Variants in DISC1 observed in about 807,000 individuals in gnomAD.
DISC1 encodes disrupted in schizophrenia 1 protein.
A neutral mutation model predicts 84.5 loss-of-function variants in DISC1; 57 were observed. The observed-to-expected ratio is 0.67, with a 90% confidence interval of 0.55 to 0.84. DISC1 has a LOEUF of 0.84. Among genes scored for constraint, DISC1 ranks in the 40% least tolerant of loss-of-function variants. The pLI is 0.00. For missense variants in DISC1, 1,000 were observed against 1,057.8 expected, an observed-to-expected ratio of 0.95 and a Z score of 0.76; for synonymous variants, 411 against 415.2, an observed-to-expected ratio of 0.99 and a Z score of 0.12.
At chr1:231,641,498 G>A (rs920144311) in intron 1 of DISC1, among the ~76,000 whole-genome samples, 2 of 152,174 alleles carry the variant, frequency 1.3e-5, no homozygotes, top group Admixed American at 6.5e-5. Context: ...CATAAAGGCA[G>A]TGTGGACCCA....
Position 231,944,251 on chromosome 1 carries a change from C to T in DISC1, c.1982-14577C>T, listed in dbSNP as rs116068131. Among the ~76,000 whole-genome samples, 1,134 of 152,246 alleles carry T rather than the reference C, an allele frequency of 7.4e-3. 6 individuals are homozygous for T. The highest frequency in any genetic ancestry group is 0.011 in the Non-Finnish European group (773 of 68,026). On this transcript the variant is annotated intron_variant, in intron 9 of 12. Coordinates refer to ENST00000439617, the MANE Select transcript of DISC1 (RefSeq NM_018662.3). ...TGTGTCTGAGTTTTGTCTACCTGCT[C>T]TGTGGTGGGGGCTTGGATGCACTGC...
chr1:231,775,366 T>C (rs2076884903), intron 6 of DISC1, among the ~76,000 whole-genome samples: 1 of 152,204 alleles, frequency 6.6e-6, no homozygotes, highest in African/African-American at 2.4e-5. Flanking sequence ...CTGTGGCTTG[T>C]TGGGAACCCC....
intron 11 of DISC1, among the ~76,000 whole-genome samples, chr1:232,024,525 GTAT>G (rs1229848623): frequency 6.6e-6 from 1 of 151,950 alleles, no homozygotes; most frequent in Non-Finnish European, 1.5e-5. Flanking sequence ...TTATTGTTGG[GTAT>G]TCATTGTATC....
At chr1:231,937,620 G>A (rs1358951242) in intron 9 of DISC1, among the ~76,000 whole-genome samples, 1 of 152,164 alleles carries the variant, frequency 6.6e-6, no homozygotes, top group Middle Eastern at 3.2e-3. Context: ...CTTCTCTGCG[G>A]CTCTGCTGGC....
intron 9 of DISC1, among the ~76,000 whole-genome samples, chr1:231,841,811 A>C (rs1264115019): frequency 1.3e-5 from 2 of 152,200 alleles, no homozygotes; most frequent in Admixed American, 1.3e-4. Flanking sequence ...ATAACTGTTA[A>C]TCAACTACAT....
At chr1:231,762,547 C>G (rs1299654790) in intron 4 of DISC1, among the ~76,000 whole-genome samples, 1 of 140,444 alleles carries the variant, frequency 7.1e-6, no homozygotes, top group Non-Finnish European at 1.5e-5. Context: ...GATAAGGTCT[C>G]ACTGTCTTGC....
At chr1:231,652,004 C>G (rs548157865) in intron 1 of DISC1, among the ~76,000 whole-genome samples, 15 of 152,338 alleles carry the variant, frequency 9.8e-5, no homozygotes, top group African/African-American at 3.4e-4. Flanking sequence ...CACAGCTTGC[C>G]TTGGCTAGGA....
intron 1 of DISC1, among the ~76,000 whole-genome samples, chr1:231,653,210 T>C (rs1429565855): frequency 6.6e-6 from 1 of 152,268 alleles, no homozygotes; most frequent in Non-Finnish European, 1.5e-5. Flanking sequence ...ATGCTAGTTC[T>C]AAAGCATATA....
At chr1:231,835,462 C>T (rs569506498) in intron 9 of DISC1, among the ~76,000 whole-genome samples, 1 of 152,126 alleles carries the variant, frequency 6.6e-6, no homozygotes, top group Non-Finnish European at 1.5e-5. Flanking sequence ...AGTAGGGGAG[C>T]TTTTGAGCCA....
chr1:232,018,966 G>GACCC (rs1668716782), intron 11 of DISC1, among the ~76,000 whole-genome samples: 1 of 152,210 alleles, frequency 6.6e-6, no homozygotes, highest in South Asian at 2.1e-4. Flanking sequence ...TGGGTGAAAT[G>GACCC]ATCTCTTGGA....
rs181275947 is a variant in DISC1 at position 231,758,458 on chromosome 1, A to G, written c.1268+8382A>G. 4.6e-5 allele frequency among the ~76,000 whole-genome samples: 7 copies of G among 152,252 alleles called. No individual in the cohort carries two copies. The East Asian group carries it at 7.7e-4, about 17-fold the overall frequency. On this transcript the variant is annotated intron_variant, in intron 4 of 12. Coordinates refer to ENST00000439617, the MANE Select transcript of DISC1 (RefSeq NM_018662.3). ...GGTAGGGGAGAAAAACGCGTCTCTC[A>G]TGAAGACCCATTTCCTAGATGGCCA...
At chr1:231,658,857 A>G (rs1469282422) in intron 1 of DISC1, among the ~76,000 whole-genome samples, 1 of 152,062 alleles carries the variant, frequency 6.6e-6, no homozygotes, top group African/African-American at 2.4e-5. Context: ...AAGCTTTTTG[A>G]TGTGCTGCTG....
At chr1:231,886,811 CTTT>C (rs1558692369) in intron 9 of DISC1, among the ~76,000 whole-genome samples, 6 of 139,654 alleles carry the variant, frequency 4.3e-5, no homozygotes, top group African/African-American at 1.6e-4. Context: ...TTCTTTCTTT[CTTT>C]CTTTCTTTCT....
intron 4 of DISC1, among the ~76,000 whole-genome samples, chr1:231,756,515 TCGAGAGAGAGAG>T (rs2075137744): frequency 9.8e-6 from 1 of 102,478 alleles, no homozygotes. Context: ...TATGTGAATA[TCGAGAGAGAGAG>T]AGAGAGAGAG....
At chr1:231,926,105 A>G (rs2090345435) in intron 9 of DISC1, among the ~76,000 whole-genome samples, 1 of 152,224 alleles carries the variant, frequency 6.6e-6, no homozygotes, top group Admixed American at 6.5e-5. Flanking sequence ...GTTCCTGAAG[A>G]GAATTAGTTA....
At chr1:231,998,413 T>G (rs1666237158) in intron 10 of DISC1, among the ~76,000 whole-genome samples, 1 of 151,654 alleles carries the variant, frequency 6.6e-6, no homozygotes, top group South Asian at 2.1e-4. Flanking sequence ...CTTAGTAGAG[T>G]GCAAAACAGG....
At chr1:231,958,284 A>C (rs1161185442) in intron 9 of DISC1, among the ~76,000 whole-genome samples, 1 of 152,234 alleles carries the variant, frequency 6.6e-6, no homozygotes, top group Non-Finnish European at 1.5e-5. Context: ...GGAAGCGCTG[A>C]GTTTATCTCA....
chr1:231,767,298 A>G (rs760205152), intron 5 of DISC1, 29 bp downstream of exon 5: 1 of 1,613,850 alleles, frequency 6.2e-7, no homozygotes, highest in Non-Finnish European at 8.5e-7. Context: ...TTCAAGAAAT[A>G]TGATGGCATT....
chr1:231,678,444 G>C (rs938716113), intron 1 of DISC1, among the ~76,000 whole-genome samples: 5 of 152,226 alleles, frequency 3.3e-5, no homozygotes, highest in African/African-American at 1.2e-4. Flanking sequence ...AGAGAAGGCA[G>C]TGTGGACAAG....
Sources: gnomAD v4.1 joint callset for allele counts (sites outside exome capture counted in the v4.1 genomes callset) on GRCh38, gnomAD v4.1.1 for gene constraint, MANE v1.5 for transcripts, NCBI Gene and HGNC (gene_info 2026-07-23, HGNC 2026-07-21) for gene names.